Variants in AGMO observed in about 807,000 individuals in gnomAD.
AGMO encodes glyceryl-ether monooxygenase.
AGMO carries 75 observed loss-of-function variants against 60.2 expected under a neutral mutation model. The ratio of observed to expected loss-of-function variants is 1.25; its 90% CI spans 1.03 to 1.51. The LOEUF is 1.51. AGMO is among the 40% of genes most tolerant of loss of function. AGMO has a pLI of 0.00. For synonymous variants in AGMO, 261 were observed against 177.1 expected, an observed-to-expected ratio of 1.47 and a Z score of -3.76; for missense variants, 763 against 525.5, an observed-to-expected ratio of 1.45 and a Z score of -4.42.
chr7:15,194,535 T>C, the AGMO span, among the ~76,000 whole-genome samples: 6 of 152,168 alleles, frequency 3.9e-5, no homozygotes, highest in South Asian at 1.0e-3. Flanking sequence ...TCGAAATAGA[T>C]GCTGATACTT....
intron 12 of AGMO, among the ~76,000 whole-genome samples, chr7:15,202,924 G>A (rs1158449383): frequency 3.3e-5 from 5 of 152,102 alleles, no homozygotes; most frequent in African/African-American, 7.2e-5. Flanking sequence ...TGAGAGGGGC[G>A]CTGAGAAGAT....
intron 3 of AGMO, among the ~76,000 whole-genome samples, chr7:15,469,587 G>A (rs1782390814): frequency 6.6e-6 from 1 of 152,054 alleles, no homozygotes; most frequent in Non-Finnish European, 1.5e-5. Flanking sequence ...TAGAACAGTA[G>A]AAATCAAAAG....
intron 3 of AGMO, among the ~76,000 whole-genome samples, chr7:15,449,755 G>A (rs1379658946): frequency 6.6e-6 from 1 of 152,156 alleles, no homozygotes; most frequent in Non-Finnish European, 1.5e-5. Context: ...ACCAGCAGAC[G>A]TTGGTTTAAA....
chr7:15,495,853 C>CCT (rs1034898871), intron 3 of AGMO, among the ~76,000 whole-genome samples: 3 of 146,458 alleles, frequency 2.0e-5, no homozygotes, highest in South Asian at 2.2e-4. Context: ...CTCTCTCTCT[C>CCT]CTCTCTCTCT....
chr7:15,148,158 C>A, the AGMO span, among the ~76,000 whole-genome samples: 1 of 151,326 alleles, frequency 6.6e-6, no homozygotes, highest in Non-Finnish European at 1.5e-5. Flanking sequence ...TATTTTGGAC[C>A]TTCTTGGTGG....
intron 3 of AGMO, among the ~76,000 whole-genome samples, chr7:15,523,070 C>T (rs189253463): frequency 6.4e-4 from 97 of 152,270 alleles, no homozygotes; most frequent in Non-Finnish European, 1.1e-3. Context: ...GACATTTATG[C>T]GGCCAACAAA....
chr7:15,427,276 T>C (rs1183258068), intron 4 of AGMO, among the ~76,000 whole-genome samples: 1 of 152,180 alleles, frequency 6.6e-6, no homozygotes, highest in Admixed American at 6.5e-5. Flanking sequence ...GCTGTGTTTT[T>C]TAATAAACTA....
chr7:15,294,862 A>G (rs76087119), intron 12 of AGMO, among the ~76,000 whole-genome samples: 2,516 of 152,058 alleles, frequency 0.017, 24 homozygotes, highest in Non-Finnish European at 0.025. Context: ...ATGCAACTGA[A>G]AAGTCATGAA....
At chr7:15,358,191 A>G (rs1782612235) in intron 12 of AGMO, 1 of 191,942 alleles carries the variant, frequency 5.2e-6, no homozygotes, top group Non-Finnish European at 1.1e-5. Context: ...GAAGTTTGGC[A>G]TGTAACAGCT....
the AGMO span, among the ~76,000 whole-genome samples, chr7:15,176,088 C>T: frequency 6.6e-6 from 1 of 151,982 alleles, no homozygotes; most frequent in African/African-American, 2.4e-5. Context: ...TTTAAAATTG[C>T]TATCATTACA....
intron 3 of AGMO, among the ~76,000 whole-genome samples, chr7:15,460,605 A>G (rs1782119512): frequency 6.6e-6 from 1 of 152,106 alleles, no homozygotes; most frequent in African/African-American, 2.4e-5. Flanking sequence ...TTAATAAGAT[A>G]TTAATGAGAT....
the AGMO span, among the ~76,000 whole-genome samples, chr7:15,137,519 G>A: frequency 6.6e-6 from 1 of 152,188 alleles, no homozygotes; most frequent in African/African-American, 2.4e-5. Context: ...AGGGGAAGGA[G>A]GGCTTGATAG....
At chr7:15,398,573 A>C (rs1784472164) in intron 5 of AGMO, among the ~76,000 whole-genome samples, 1 of 152,214 alleles carries the variant, frequency 6.6e-6, no homozygotes, top group Non-Finnish European at 1.5e-5. Flanking sequence ...GGTTGAGCAT[A>C]ACGGCTTAAT....
At chr7:15,500,914 T>C (rs1295925679) in intron 3 of AGMO, among the ~76,000 whole-genome samples, 1 of 68,406 alleles carries the variant, frequency 1.5e-5, no homozygotes, top group African/African-American at 3.4e-5. Flanking sequence ...TTTCAAAGAA[T>C]GTCTTGATTT....
In AGMO at chr7:15,212,681, T is replaced by C. The variant is rs192401403; in HGVS notation, c.1264-11322A>G. Among the ~76,000 whole-genome samples the C allele has an allele frequency of 6.6e-5, 10 of 152,114 alleles. No individual in the cohort carries two copies. In the East Asian group the frequency reaches 1.7e-3, roughly 26 times the overall value. On this transcript the variant is annotated intron_variant, in intron 12 of 12. Transcript: ENST00000342526. Reference sequence around the variant, plus strand: ...TTACAAGGGTAAGCGATGAATCATCTTCATCTAGCAGGTAGAGTATTCCCT... The same window carrying C: ...TTACAAGGGTAAGCGATGAATCATCCTCATCTAGCAGGTAGAGTATTCCCT...
intron 3 of AGMO, among the ~76,000 whole-genome samples, chr7:15,537,454 A>T (rs1413695962): frequency 1.3e-5 from 2 of 152,176 alleles, no homozygotes. Context: ...AAAAAATCAT[A>T]AGTAAGTTAA....
chr7:15,323,884 C>G (rs1452221011), intron 12 of AGMO, among the ~76,000 whole-genome samples: 1 of 152,184 alleles, frequency 6.6e-6, no homozygotes. Context: ...CTTGTTTTAA[C>G]TGCAAGCAAG....
the AGMO span, among the ~76,000 whole-genome samples, chr7:15,172,458 C>T: frequency 6.6e-6 from 1 of 152,028 alleles, no homozygotes; most frequent in East Asian, 1.9e-4. Flanking sequence ...TGTAGACCTC[C>T]GAAGAGTGAG....
At chr7:15,377,247 T>G (rs1783492311) in intron 10 of AGMO, among the ~76,000 whole-genome samples, 2 of 152,086 alleles carry the variant, frequency 1.3e-5, no homozygotes, top group Admixed American at 1.3e-4. Flanking sequence ...AAAACACATG[T>G]GGGAAACAAG....
Sources: allele counts gnomAD v4.1 joint callset (sites outside exome capture counted in the v4.1 genomes callset), GRCh38; gene constraint gnomAD v4.1.1; transcripts MANE v1.5; gene names NCBI Gene and HGNC (gene_info 2026-07-23, HGNC 2026-07-21).